TMEM117: variants seen among roughly 807,000 people sequenced by gnomAD.
The protein encoded by TMEM117 is transmembrane protein 117.
A neutral mutation model predicts 52.4 loss-of-function variants in TMEM117; 27 were observed. That is an observed-to-expected ratio of 0.51 (90% CI 0.38 to 0.71). The LOEUF (loss-of-function observed/expected upper bound fraction) is 0.71, where lower values mean the gene tolerates loss of function less well. Among genes scored for constraint, TMEM117 ranks in the 30% least tolerant of loss-of-function variants. TMEM117 has a pLI of 0.00. For missense variants in TMEM117, 556 were observed against 630.5 expected (o/e 0.88, Z 1.26); for synonymous variants, 215 against 206.3 (o/e 1.04, Z -0.36).
At chr12:43,967,999 A>C (rs780445974) in intron 3 of TMEM117, among the ~76,000 whole-genome samples, 29 of 152,126 alleles carry the variant, frequency 1.9e-4, no homozygotes, top group Admixed American at 5.9e-4. Flanking sequence ...ATTTTTTGCC[A>C]TGTGTTTTTC....
chr12:43,958,163 A>G (rs775245202), intron 3 of TMEM117, among the ~76,000 whole-genome samples: 2 of 152,192 alleles, frequency 1.3e-5, no homozygotes, highest in Non-Finnish European at 2.9e-5. Flanking sequence ...GGTTTAAGTA[A>G]CAGTATGCAT....
At chr12:44,392,580 A>T (rs540308649), downstream of TMEM117, among the ~76,000 whole-genome samples, 149 of 151,980 alleles carry the variant, frequency 9.8e-4, no homozygotes, top group Non-Finnish European at 1.9e-3. Context: ...TGTGCAGGTT[A>T]GTTACATATG....
At chr12:43,964,247 A>G (rs1945449361) in intron 3 of TMEM117, among the ~76,000 whole-genome samples, 1 of 152,138 alleles carries the variant, frequency 6.6e-6, no homozygotes, top group South Asian at 2.1e-4. Context: ...TTCTGCTCAC[A>G]CTCTGATAAG....
chr12:44,205,961 A>G (rs1427192608), intron 4 of TMEM117, among the ~76,000 whole-genome samples: 3 of 152,220 alleles, frequency 2.0e-5, no homozygotes, highest in Non-Finnish European at 4.4e-5. Context: ...GAGAAGCTGA[A>G]GGAATTAAGA....
intron 4 of TMEM117, among the ~76,000 whole-genome samples, chr12:44,205,649 G>C (rs1286983491): frequency 2.6e-5 from 4 of 151,970 alleles, no homozygotes; most frequent in Admixed American, 2.0e-4. Flanking sequence ...TGGCCAACAA[G>C]CATATGAAGA....
intron 4 of TMEM117, among the ~76,000 whole-genome samples, chr12:44,156,359 T>C (rs1948825852): frequency 6.6e-6 from 1 of 152,116 alleles, no homozygotes. Context: ...GCAGTTTATA[T>C]ATAGATTTAG....
At chr12:43,897,143 G>A (rs1249927639) in intron 2 of TMEM117, among the ~76,000 whole-genome samples, 1 of 152,062 alleles carries the variant, frequency 6.6e-6, no homozygotes, top group Non-Finnish European at 1.5e-5. Flanking sequence ...ATAAAACATT[G>A]CCACATTCAG....
chr12:43,992,937 T>C (rs1436815353), intron 3 of TMEM117, among the ~76,000 whole-genome samples: 1 of 152,116 alleles, frequency 6.6e-6, no homozygotes, highest in East Asian at 1.9e-4. Context: ...TTCCCCAGAG[T>C]CCAAATCTTG....
At chr12:43,929,029 A>G (rs1417354692) in intron 2 of TMEM117, among the ~76,000 whole-genome samples, 4 of 151,464 alleles carry the variant, frequency 2.6e-5, no homozygotes, top group African/African-American at 9.7e-5. Flanking sequence ...AGTCTTTGCT[A>G]TTGTGAATAG....
At chr12:44,159,402 T>G (rs1477146849) in intron 4 of TMEM117, among the ~76,000 whole-genome samples, 1 of 152,168 alleles carries the variant, frequency 6.6e-6, no homozygotes, top group Non-Finnish European at 1.5e-5. Context: ...TAAAGACTTT[T>G]TTTTTTAACC....
At chr12:44,076,092 A>C (rs906959186) in intron 3 of TMEM117, among the ~76,000 whole-genome samples, 1 of 152,226 alleles carries the variant, frequency 6.6e-6, no homozygotes, top group Non-Finnish European at 1.5e-5. Context: ...CATAAGAGGA[A>C]AATGGCAGAT....
chr12:44,130,988 G>A (rs11832859), intron 3 of TMEM117, among the ~76,000 whole-genome samples: 20,010 of 151,944 alleles, frequency 0.13, 3,484 homozygotes, highest in African/African-American at 0.4. Context: ...TTGGTCTATT[G>A]TATAATTCCT....
At chr12:44,267,742 A>G (rs1412803481) in intron 5 of TMEM117, among the ~76,000 whole-genome samples, 2 of 152,194 alleles carry the variant, frequency 1.3e-5, no homozygotes, top group Admixed American at 6.5e-5. Context: ...GATTCATCTT[A>G]TAATTGGTAT....
the TMEM117 span, among the ~76,000 whole-genome samples, chr12:43,808,092 G>A: frequency 6.6e-6 from 1 of 152,228 alleles, no homozygotes; most frequent in East Asian, 1.9e-4. Flanking sequence ...GCTAAGACAA[G>A]TGTCTGTAAG....
At chr12:44,355,047 C>G (rs1367816202) in intron 6 of TMEM117, among the ~76,000 whole-genome samples, 1 of 151,580 alleles carries the variant, frequency 6.6e-6, no homozygotes, top group African/African-American at 2.4e-5. Context: ...GTTAGCAGAC[C>G]CAAAGTAAAT....
At chr12:43,810,296 C>T in the TMEM117 span, among the ~76,000 whole-genome samples, 12 of 152,144 alleles carry the variant, frequency 7.9e-5, no homozygotes, top group Admixed American at 5.9e-4. Context: ...GGAATATTTG[C>T]AAATCACTTT....
intron 5 of TMEM117, among the ~76,000 whole-genome samples, chr12:44,237,029 T>C (rs1249177350): frequency 6.6e-6 from 1 of 152,098 alleles, no homozygotes; most frequent in Non-Finnish European, 1.5e-5. Flanking sequence ...AGCAGGTCCC[T>C]TCCAAGCAGA....
chr12:44,137,622 A>G (rs1278226692), intron 3 of TMEM117, among the ~76,000 whole-genome samples: 3 of 152,130 alleles, frequency 2.0e-5, no homozygotes, highest in Non-Finnish European at 4.4e-5. Context: ...CATGGTGGAA[A>G]GCAAGGAGGA....
chr12:44,217,033 G>A (rs941793840), intron 5 of TMEM117, among the ~76,000 whole-genome samples: 9 of 152,044 alleles, frequency 5.9e-5, no homozygotes, highest in African/African-American at 2.2e-4. Context: ...GAACTTAGTT[G>A]TTTACCTCTG....
Sources: allele counts gnomAD v4.1 joint callset (sites outside exome capture counted in the v4.1 genomes callset), GRCh38; gene constraint gnomAD v4.1.1; transcripts MANE v1.5; gene names NCBI Gene and HGNC (gene_info 2026-07-23, HGNC 2026-07-21).